FHOD3: variants seen among roughly 807,000 people sequenced by gnomAD.
FHOD3 encodes the protein formin homology 2 domain containing 3.
A neutral mutation model predicts 173.0 loss-of-function variants in FHOD3; 90 were observed. That is an observed-to-expected ratio of 0.52 (90% CI 0.44 to 0.62). FHOD3 has a LOEUF of 0.62. FHOD3 is among the 20% of genes least tolerant of loss of function. The pLI, the probability that FHOD3 is intolerant of heterozygous loss-of-function variation, is 0.00. For synonymous variants in FHOD3, 828 were observed against 823.0 expected (o/e 1.01, Z -0.10); for missense variants, 1,945 against 2,034.7 (o/e 0.96, Z 0.85).
intron 2 of FHOD3, among the ~76,000 whole-genome samples, chr18:36,359,855 A>G (rs2046526994): frequency 6.6e-6 from 1 of 152,320 alleles, no homozygotes; most frequent in East Asian, 1.9e-4. Context: ...CTAAAACGTT[A>G]ACTAGTTCCT....
At chr18:36,541,435 G>A (rs996183342) in intron 5 of FHOD3, among the ~76,000 whole-genome samples, 1 of 151,808 alleles carries the variant, frequency 6.6e-6, no homozygotes, top group Non-Finnish European at 1.5e-5. Context: ...AACAAAATGT[G>A]GTCCCAGCTT....
intron 3 of FHOD3, among the ~76,000 whole-genome samples, chr18:36,393,266 C>T (rs1490671521): frequency 6.6e-6 from 1 of 152,174 alleles, no homozygotes; most frequent in Admixed American, 6.5e-5. Flanking sequence ...GTGATATTTC[C>T]ATCACTGCAT....
intron 15 of FHOD3, among the ~76,000 whole-genome samples, chr18:36,684,958 G>T (rs80057328): frequency 0.022 from 3,272 of 152,120 alleles, 39 homozygotes; most frequent in Non-Finnish European, 0.033. Context: ...ATGTACATGG[G>T]ACTACTGGCT....
chr18:36,738,650 C>T (rs1224115082), intron 20 of FHOD3, among the ~76,000 whole-genome samples: 2 of 152,080 alleles, frequency 1.3e-5, no homozygotes, highest in Non-Finnish European at 2.9e-5. Flanking sequence ...GCTTTTTTTG[C>T]ATATAGAGTC....
At chr18:36,385,169 G>A (rs1467972914) in intron 3 of FHOD3, among the ~76,000 whole-genome samples, 1 of 152,150 alleles carries the variant, frequency 6.6e-6, no homozygotes, top group Non-Finnish European at 1.5e-5. Flanking sequence ...TCTTAAATAT[G>A]AAAACCAAGT....
chr18:36,605,177 C>A (rs1263711344), intron 8 of FHOD3, among the ~76,000 whole-genome samples: 2 of 152,194 alleles, frequency 1.3e-5, no homozygotes, highest in South Asian at 2.1e-4. Flanking sequence ...GGATTAAAGT[C>A]ATCTATTTCC....
At chr18:36,457,872 C>A (rs1195675092) in intron 3 of FHOD3, among the ~76,000 whole-genome samples, 1 of 152,182 alleles carries the variant, frequency 6.6e-6, no homozygotes, top group African/African-American at 2.4e-5. Flanking sequence ...TCTCAGTAGA[C>A]TAATTATAGC....
chr18:36,540,914 T>C (rs2057184748), intron 5 of FHOD3, among the ~76,000 whole-genome samples: 1 of 152,218 alleles, frequency 6.6e-6, no homozygotes, highest in African/African-American at 2.4e-5. Context: ...TGGTTCTGTT[T>C]TGTTTCTTTT....
intron 2 of FHOD3, among the ~76,000 whole-genome samples, chr18:36,367,349 G>T (rs1196949611): frequency 6.6e-6 from 1 of 152,184 alleles, no homozygotes; most frequent in African/African-American, 2.4e-5. Flanking sequence ...GGTTGTGGCT[G>T]CCTGCTCCAA....
intron 1 of FHOD3, among the ~76,000 whole-genome samples, chr18:36,347,622 A>G (rs766580598): frequency 1.2e-4 from 18 of 152,246 alleles, no homozygotes; most frequent in Non-Finnish European, 1.8e-4. Context: ...TATATGCTGG[A>G]TCATCAAAGA....
At chr18:36,451,327 T>G (rs550094664) in intron 3 of FHOD3, among the ~76,000 whole-genome samples, 51 of 152,350 alleles carry the variant, frequency 3.3e-4, no homozygotes, top group Middle Eastern at 3.4e-3. Flanking sequence ...AGACTAGAGT[T>G]GACCCACTCC....
chr18:36,309,577 T>C (rs1253524344), intron 1 of FHOD3, among the ~76,000 whole-genome samples: 1 of 152,212 alleles, frequency 6.6e-6, no homozygotes, highest in Non-Finnish European at 1.5e-5. Flanking sequence ...TGACCGCAGC[T>C]TCTGTGAATC....
chr18:36,621,153 A>G (rs1490769984), intron 9 of FHOD3, among the ~76,000 whole-genome samples: 2 of 152,182 alleles, frequency 1.3e-5, no homozygotes, highest in Non-Finnish European at 2.9e-5. Flanking sequence ...AAAAGAAAAT[A>G]TTTTGTCAGA....
chr18:36,590,264 A>G (rs546770954), intron 6 of FHOD3, among the ~76,000 whole-genome samples: 1 of 152,254 alleles, frequency 6.6e-6, no homozygotes, highest in Middle Eastern at 3.4e-3. Flanking sequence ...GTGTCTTTGG[A>G]CTTGGAGAGG....
At chr18:36,550,881 TTTTCC>T (rs2057624208) in intron 5 of FHOD3, among the ~76,000 whole-genome samples, 1 of 152,160 alleles carries the variant, frequency 6.6e-6, no homozygotes, top group Non-Finnish European at 1.5e-5. Flanking sequence ...CAGCTTTACC[TTTTCC>T]TTTCCAATCT....
chr18:36,315,510 TG>T (rs1227316503), intron 1 of FHOD3, among the ~76,000 whole-genome samples: 2 of 151,508 alleles, frequency 1.3e-5, no homozygotes, highest in Non-Finnish European at 1.5e-5. Context: ...TGGATGAAAC[TG>T]GGGGGCTCCT....
At chr18:36,388,706 C>T (rs184175840) in intron 3 of FHOD3, among the ~76,000 whole-genome samples, 4 of 152,272 alleles carry the variant, frequency 2.6e-5, no homozygotes, top group Non-Finnish European at 4.4e-5. Context: ...CCCAGGCACA[C>T]GTTGCCTCTT....
chr18:36,509,080 G>A (rs1466334004), intron 4 of FHOD3, among the ~76,000 whole-genome samples: 1 of 152,128 alleles, frequency 6.6e-6, no homozygotes, highest in Non-Finnish European at 1.5e-5. Context: ...CACCACAGGG[G>A]TGTAACCAAC....
intron 10 of FHOD3, among the ~76,000 whole-genome samples, chr18:36,636,769 G>A (rs2034919863): frequency 6.6e-6 from 1 of 151,818 alleles, no homozygotes; most frequent in Non-Finnish European, 1.5e-5. Flanking sequence ...TGGGGTGCAG[G>A]TATTTGTCTC....
Sources: gnomAD v4.1 joint callset for allele counts (sites outside exome capture counted in the v4.1 genomes callset) on GRCh38, gnomAD v4.1.1 for gene constraint, MANE v1.5 for transcripts, NCBI Gene and HGNC (gene_info 2026-07-23, HGNC 2026-07-21) for gene names.